GLB1L3: variants seen among roughly 807,000 people sequenced by gnomAD.
GLB1L3 encodes beta-galactosidase-1-like protein 3.
A neutral mutation model predicts 89.5 loss-of-function variants in GLB1L3; 89 were observed. That is an observed-to-expected ratio of 0.99 (90% CI 0.84 to 1.19). GLB1L3 has a LOEUF of 1.19. Ranked by LOEUF, GLB1L3 falls within the 50% of genes most tolerant of loss-of-function variation. GLB1L3 has a pLI of 0.00. For missense variants in GLB1L3, 812 were observed against 813.3 expected (o/e 1.00, Z 0.02); for synonymous variants, 314 against 312.3 (o/e 1.01, Z -0.06).
chr11:134,296,836 T>TGTAATAATAATAATA, intron 9 of GLB1L3, among the ~76,000 whole-genome samples: 1 of 142,402 alleles, frequency 7.0e-6, no homozygotes, highest in East Asian at 2.0e-4. Context: ...AAACTTAAAG[T>TGTAATAATAATAATA]ATAATAATAA....
chr11:134,299,196 C>CT (rs761898915), intron 9 of GLB1L3, among the ~76,000 whole-genome samples: 34 of 151,848 alleles, frequency 2.2e-4, no homozygotes, highest in Non-Finnish European at 2.9e-5. Context: ...CCAAAATTAT[C>CT]TATCTGATCT....
chr11:134,287,275 C>T (rs2136129414), intron 6 of GLB1L3: 1 of 152,364 alleles, frequency 6.6e-6, no homozygotes, highest in Non-Finnish European at 1.5e-5. Context: ...ACAGGCATCC[C>T]ATTGAACTGT....
intron 5 of GLB1L3, among the ~76,000 whole-genome samples, chr11:134,283,472 G>A (rs971256090): frequency 2.0e-5 from 3 of 152,244 alleles, no homozygotes; most frequent in Non-Finnish European, 2.9e-5. Flanking sequence ...CAGCCCCTCA[G>A]TCAGACCAAA....
intron 17 of GLB1L3, 77 bp downstream of exon 17, chr11:134,314,105 A>G: frequency 1.0e-6 from 1 of 1,004,900 alleles, no homozygotes. Flanking sequence ...ATTGCAGATA[A>G]AGAGTCCAAG....
At position 134,312,496 on chromosome 11, in the gene GLB1L3, C is replaced by T. The variant is rs1177132162; in HGVS notation, c.1428+7C>T. 6.2e-7 allele frequency: 1 copy of T among 1,610,108 alleles called. No homozygotes were observed. Among genetic ancestry groups the T allele is most frequent in the Admixed American group, 1.7e-5 (1 of 59,996 alleles). On this transcript the variant is annotated splice_region_variant and intron_variant, in intron 14 of 19. Transcript: ENST00000431683. ...CGCTCATGACGTGGCACAGGTAGGGCCAGCAGGCTGTCTGTGTGGGAAGCA... is the reference window on the plus strand; with the variant it reads ...CGCTCATGACGTGGCACAGGTAGGGTCAGCAGGCTGTCTGTGTGGGAAGCA...
chr11:134,296,962 T>C (rs1159981991), intron 9 of GLB1L3, among the ~76,000 whole-genome samples: 1 of 152,072 alleles, frequency 6.6e-6, no homozygotes, highest in Non-Finnish European at 1.5e-5. Context: ...AAGTAATCAC[T>C]ATCCTTACTG....
chr11:134,276,784 T>C (rs896708427), intron 1 of GLB1L3, 21 bp downstream of exon 1: 10 of 1,419,844 alleles, frequency 7.0e-6, no homozygotes, highest in Non-Finnish European at 9.2e-6. Flanking sequence ...GCCGCTGCCG[T>C]CCCGGGCTGC....
intron 9 of GLB1L3, among the ~76,000 whole-genome samples, chr11:134,306,441 C>T (rs1379249439): frequency 6.6e-6 from 1 of 152,154 alleles, no homozygotes; most frequent in Non-Finnish European, 1.5e-5. Context: ...TAGAAGAGAA[C>T]ATAGGATCTG....
At chr11:134,318,565 A>G (rs1943077516) in intron 18 of GLB1L3, 66 bp from the exon 19 acceptor site, 1 of 932,530 alleles carries the variant, frequency 1.1e-6, no homozygotes, top group African/African-American at 1.6e-5. Context: ...TCACTCTCCA[A>G]GTGCCTTAGG....
chr11:134,276,860 C>T, intron 1 of GLB1L3, 97 bp downstream of exon 1: 2 of 1,116,116 alleles, frequency 1.8e-6, no homozygotes, highest in Non-Finnish European at 2.3e-6. Context: ...CCACGCGCCC[C>T]AGGCACGCGC....
chr11:134,314,019 T>G lies in GLB1L3; in HGVS notation c.1658T>G (p.Phe553Cys), dbSNP rs200675510. The stretch of plus-strand genomic sequence containing the variant: ...TATTCCCTGGAGATGAAAATGAGCT[T>G]CTTTGAGAGGTATGCTCCAGCTGGC... ...TIYSLEMKMS[F>C]FERLRSATWK... is the part of the protein sequence containing the mutation. The change falls in exon 17 of 20, where the codon TTC becomes TGC. Residue 553 changes from phenylalanine (F) to cysteine (C), a missense_variant. Physicochemically the swap from Phe to Cys is radical, Grantham distance 205. This residue lies in a region of GLB1L3 where 618 missense variants were observed against 604.0 expected (regional missense o/e 1.02). Transcript: ENST00000431683. 12 of 1,608,548 alleles carry G rather than the reference T, an allele frequency of 7.5e-6. No homozygotes were observed. The highest frequency in any genetic ancestry group is 1.0e-5 in the Non-Finnish European group (12 of 1,175,694).
At position 134,318,705 on chromosome 11, in the gene GLB1L3, A is replaced by G; in HGVS notation, c.1854A>G (p.Thr618=). The G allele has an allele frequency of 6.2e-7, 1 of 1,613,016 alleles. No individual in the cohort carries two copies. The highest frequency in any genetic ancestry group is 1.3e-5 in the African/African-American group (1 of 75,036). ...ATTGGAATATTGGGCCTCAGAAAAC[A>G]CTGTACCTTCCTGGAGTTTGGCTTC... The part of the protein sequence containing the change: ...GRYWNIGPQK[T]LYLPGVWLHP... Residue 618 remains threonine, a synonymous_variant, in exon 19 of 20, where the codon ACA becomes ACG. Transcript: ENST00000431683.
Position 134,276,534 on chromosome 11 carries a change from C to A in GLB1L3, c.-207C>A. 4.9e-6 allele frequency: 2 copies of A among 407,738 alleles called. No individual in the cohort carries two copies. The highest frequency in any genetic ancestry group is 1.1e-4 in the South Asian group (1 of 9,142). 25.3% of individuals were successfully genotyped at this position (407,738 alleles called of 1,614,324 possible). ...AGCGCCGGCGGAGCTCGGCTGTCCC[C>A]GCGGGAGGGAGCCCGACGCGCATCC... On this transcript the variant is annotated 5_prime_UTR_variant, in exon 1 of 20. Coordinates refer to ENST00000431683, the MANE Select transcript of GLB1L3 (RefSeq NM_001080407.3).
At chr11:134,316,141 G>A (rs913449266) in intron 18 of GLB1L3, among the ~76,000 whole-genome samples, 2 of 150,986 alleles carry the variant, frequency 1.3e-5, no homozygotes, top group African/African-American at 4.9e-5. Flanking sequence ...TTCTCCCACC[G>A]CCTGGCAACA....
chr11:134,297,101 G>A (rs1054370127), intron 9 of GLB1L3, among the ~76,000 whole-genome samples: 2 of 151,958 alleles, frequency 1.3e-5, no homozygotes, highest in Admixed American at 6.5e-5. Flanking sequence ...TTCACATTTA[G>A]GATTATGATA....
chr11:134,290,216 C>G (rs1232739643), intron 7 of GLB1L3, among the ~76,000 whole-genome samples: 1 of 152,162 alleles, frequency 6.6e-6, no homozygotes, highest in Non-Finnish European at 1.5e-5. Context: ...ATTATTTAAT[C>G]GGTTGTATTC....
intron 10 of GLB1L3, among the ~76,000 whole-genome samples, chr11:134,308,498 AATACCACCACCACCACCACCATGTC>A (rs1942490669): frequency 1.2e-3 from 7 of 5,690 alleles, no homozygotes; most frequent in South Asian, 5.2e-3. Context: ...ATCACCACCA[AATACCACCACCACCACCACCATGTC>A]CACCACCACT....
Position 134,313,960 on chromosome 11 carries a change from C to A in GLB1L3, c.1599C>A (p.Ser533Arg). 6.2e-7 allele frequency: 1 copy of A among 1,611,314 alleles called. No homozygotes were observed. Among genetic ancestry groups the A allele is most frequent in the Non-Finnish European group, 8.5e-7 (1 of 1,177,784 alleles). The change falls in exon 17 of 20, where the codon AGC (serine) becomes AGA (arginine). Residue 533 changes from serine (S) to arginine (R), a missense_variant. Ser to Arg is a moderately radical substitution (Grantham distance 110). Around this residue, in one of 3 missense-constraint regions of GLB1L3, gnomAD observed 618 missense variants for 604.0 expected, o/e 1.02. Transcript: ENST00000431683. ...CTGCAGGAATAACTGGATCTGTCAG[C>A]ATCAATAACTCTTCCCTGGAGGGCT... is the stretch of plus-strand genomic sequence containing the variant. ...NEQKGITGSV[S>R]INNSSLEGFT...
chr11:134,307,315 T>G lies in GLB1L3; in HGVS notation c.961+107T>G. The G allele has an allele frequency of 3.8e-6, 3 of 789,470 alleles. No individual in the cohort carries two copies. In the Admixed American group the frequency reaches 7.8e-5, roughly 21 times the overall value. The allele number at this position is 789,470 out of a possible 1,614,324, so 48.9% of individuals were successfully genotyped here. A position where few individuals can be genotyped will look rare whatever the true frequency, so the allele number is the denominator to read the frequency against. ...TGATTCACTTGATCAGCCGTAGATA[T>G]TCATGCAACTTTTCACATACAAGCA... On this transcript the variant is annotated intron_variant, in intron 10 of 19. Transcript: ENST00000431683.
Sources: allele counts gnomAD v4.1 joint callset (sites outside exome capture counted in the v4.1 genomes callset), GRCh38; gene constraint gnomAD v4.1.1; regional missense constraint gnomAD v4.1.1; transcripts MANE v1.5; gene names NCBI Gene and HGNC (gene_info 2026-07-23, HGNC 2026-07-21).